ADAMTS3: variants seen among roughly 807,000 people sequenced by gnomAD.
ADAMTS3 encodes ADAM metallopeptidase with thrombospondin type 1 motif 3.
A neutral mutation model predicts 129.0 loss-of-function variants in ADAMTS3; 73 were observed. The observed-to-expected ratio is 0.57, with a 90% CI of 0.47 to 0.69. ADAMTS3 has a LOEUF of 0.69. Among genes scored for constraint, ADAMTS3 ranks in the 30% least tolerant of loss-of-function variants. ADAMTS3 has a pLI of 0.00. For missense variants in ADAMTS3, 1,457 were observed against 1,514.5 expected (o/e 0.96, Z 0.63); for synonymous variants, 477 against 510.8 (o/e 0.93, Z 0.89).
chr4:72,320,793 T>C lies in ADAMTS3; in HGVS notation c.1023A>G (p.Arg341=). 6.2e-7 allele frequency: 1 copy of C among 1,614,006 alleles called. No individual in the cohort carries two copies. The highest frequency in any genetic ancestry group is 8.5e-7 in the Non-Finnish European group (1 of 1,179,918). ...GGTGTTCAGAGTGGTTGAGATCAGA[T>C]CTTTGCTGTTGGGACGCCCAGCGAC... is the stretch of plus-strand genomic sequence containing the variant. ...NVCRWASQQQ[R]SDLNHSEHHD... Residue 341 remains arginine (R), a synonymous_variant, in exon 7 of 22, where the codon AGA becomes AGG. Transcript: ENST00000286657.
intron 3 of ADAMTS3, among the ~76,000 whole-genome samples, chr4:72,540,685 T>C (rs1578778501): frequency 6.6e-6 from 1 of 152,152 alleles, no homozygotes; most frequent in African/African-American, 2.4e-5. Flanking sequence ...ATGCCCTGCA[T>C]CCCAGCTGCT....
intron 3 of ADAMTS3, among the ~76,000 whole-genome samples, chr4:72,517,185 C>A (rs1720512066): frequency 6.6e-6 from 1 of 152,102 alleles, no homozygotes; most frequent in South Asian, 2.1e-4. Flanking sequence ...AGGGATGAAG[C>A]CCACTTGATC....
In ADAMTS3 at chr4:72,290,985, A is replaced by T; in HGVS notation, c.2801T>A (p.Leu934His). The T allele has an allele frequency of 6.2e-7, 1 of 1,614,034 alleles. No individual in the cohort carries two copies. Among genetic ancestry groups the T allele is most frequent in the South Asian group, 1.1e-5 (1 of 91,082 alleles). The change falls in exon 20 of 22, where the codon CTT (leucine) becomes CAT (histidine). Residue 934 changes from leucine (L) to histidine (H), a missense_variant. Transcript: ENST00000286657. ...SGYQLRTVRC[L>H]QPLLDGTNRS... ...GTTGGTGCCATCAAGGAGTGGCTGA[A>T]GGCAGCGTACAGTGCGAAGCTGATA...
At chr4:72,319,831 G>A in intron 8 of ADAMTS3, 27 bp downstream of exon 8, 2 of 1,541,050 alleles carry the variant, frequency 1.3e-6, no homozygotes, top group Non-Finnish European at 1.8e-6. Flanking sequence ...TCTTTTTTTG[G>A]CTTTATAGCT....
At chr4:72,427,112 AG>A (rs1722592982) in intron 3 of ADAMTS3, among the ~76,000 whole-genome samples, 1 of 152,126 alleles carries the variant, frequency 6.6e-6, no homozygotes, top group Admixed American at 6.6e-5. Flanking sequence ...ACTGGTGTCA[AG>A]GTGTTAGCAG....
At chr4:72,504,258 T>C (rs1356597892) in intron 3 of ADAMTS3, among the ~76,000 whole-genome samples, 2 of 152,174 alleles carry the variant, frequency 1.3e-5, no homozygotes, top group East Asian at 1.9e-4. Context: ...TATTGTAAAG[T>C]TGGTCTAGTG....
At chr4:72,340,944 G>C (rs77257879) in intron 4 of ADAMTS3, among the ~76,000 whole-genome samples, 5,664 of 152,210 alleles carry the variant, frequency 0.037, 357 homozygotes, top group African/African-American at 0.13. Context: ...AACCGTATAT[G>C]TAAAAACAAG....
At chr4:72,371,163 A>G (rs1720995692) in intron 4 of ADAMTS3, among the ~76,000 whole-genome samples, 1 of 152,114 alleles carries the variant, frequency 6.6e-6, no homozygotes, top group Non-Finnish European at 1.5e-5. Context: ...CTCTGCTGAC[A>G]TTTGTATTTC....
rs914372166 is a variant in ADAMTS3, at chr4:72,430,187, T to C, written c.505-15216A>G. On this transcript the variant is annotated intron_variant, in intron 3 of 21. Coordinates refer to ENST00000286657, the MANE Select transcript of ADAMTS3 (RefSeq NM_014243.3). Reference sequence around the variant, plus strand: ...ACCTTGGCACTCCCTCATCAAGAGATAGAGTTTAATTTCCTTGCCCTTGAA... The same window carrying C: ...ACCTTGGCACTCCCTCATCAAGAGACAGAGTTTAATTTCCTTGCCCTTGAA... 6.6e-5 allele frequency among the ~76,000 whole-genome samples: 10 copies of C among 152,016 alleles called. No individual in the cohort carries two copies. In the South Asian group the frequency reaches 1.2e-3, roughly 19 times the overall value.
intron 3 of ADAMTS3, among the ~76,000 whole-genome samples, chr4:72,485,858 A>G (rs1335372150): frequency 6.6e-6 from 1 of 152,008 alleles, no homozygotes; most frequent in East Asian, 1.9e-4. Flanking sequence ...GTGCCCTTAT[A>G]AAAGAGGCTT....
At chr4:72,394,260 C>T (rs1721670387) in intron 4 of ADAMTS3, among the ~76,000 whole-genome samples, 1 of 71,044 alleles carries the variant, frequency 1.4e-5, no homozygotes, top group East Asian at 5.8e-4. Context: ...ACTGAATTCA[C>T]AACAGAGAGG....
intron 3 of ADAMTS3, among the ~76,000 whole-genome samples, chr4:72,510,819 CAAAAAAA>C (rs869030257): frequency 1.6e-5 from 1 of 63,642 alleles, no homozygotes; most frequent in Non-Finnish European, 2.9e-5. Context: ...ATCCTTAAGC[CAAAAAAA>C]AAAAAAAAAA....
chr4:72,313,628 T>C lies in ADAMTS3; in HGVS notation c.1745+49A>G, dbSNP rs144291053. The C allele has an allele frequency of 1.6e-4, 250 of 1,585,558 alleles. No individual in the cohort carries two copies. The African/African-American group carries it at 3.2e-3, about 20-fold the overall frequency. On this transcript the variant is annotated intron_variant, in intron 12 of 21. Transcript: ENST00000286657. The stretch of plus-strand genomic sequence containing the variant: ...GAATACTAATAACATAATATTGAAG[T>C]ATTTTCTGGTCTCTCCAAAAATAAC...
At chr4:72,376,290 T>C (rs1298219088) in intron 4 of ADAMTS3, among the ~76,000 whole-genome samples, 1 of 152,208 alleles carries the variant, frequency 6.6e-6, no homozygotes, top group African/African-American at 2.4e-5. Flanking sequence ...GGCCCATTCC[T>C]CATAGACACC....
At position 72,437,260 on chromosome 4, in the gene ADAMTS3, G is replaced by A. The variant is rs543634838; in HGVS notation, c.505-22289C>T. 3.9e-5 allele frequency among the ~76,000 whole-genome samples: 6 copies of A among 151,936 alleles called. No homozygotes were observed. In the South Asian group the frequency reaches 1.2e-3, roughly 31 times the overall value. ...TTTTTAAAAAATACATATTTAGGAA[G>A]TACAAATGCAGTGTTGTTCCACAGA... is the stretch of plus-strand genomic sequence containing the variant. On this transcript the variant is annotated intron_variant, in intron 3 of 21. Coordinates refer to ENST00000286657, the MANE Select transcript of ADAMTS3 (RefSeq NM_014243.3).
chr4:72,512,975 ACATCT>A (rs754269079), intron 3 of ADAMTS3, among the ~76,000 whole-genome samples: 1 of 152,170 alleles, frequency 6.6e-6, no homozygotes, highest in Non-Finnish European at 1.5e-5. Context: ...TCTTAAAAAT[ACATCT>A]TCAAGACATC....
intron 5 of ADAMTS3, among the ~76,000 whole-genome samples, chr4:72,323,367 G>T (rs116618193): frequency 0.017 from 2,577 of 152,288 alleles, 74 homozygotes; most frequent in African/African-American, 0.058. Context: ...GTGTTAGAAG[G>T]AGTCTATGTG....
chr4:72,378,209 C>T (rs1367165188), intron 4 of ADAMTS3, among the ~76,000 whole-genome samples: 1 of 152,142 alleles, frequency 6.6e-6, no homozygotes, highest in East Asian at 1.9e-4. Context: ...TCTACCTTAA[C>T]TGCAACTATA....
Position 72,516,535 on chromosome 4 carries a change from T to A in ADAMTS3, c.504+31943A>T, listed in dbSNP as rs112650913. Among the ~76,000 whole-genome samples, 957 of 152,286 alleles carry A rather than the reference T, an allele frequency of 6.3e-3. 13 individuals carry two copies. Among genetic ancestry groups the A allele is most frequent in the African/African-American group, 0.022 (916 of 41,554 alleles). ...ATTGAGCAGTGGTTTGTCGTTCTCC[T>A]TGAAGAGGTCCTTCATGTCCCTTGT... On this transcript the variant is annotated intron_variant, in intron 3 of 21. Transcript: ENST00000286657.
Sources: allele counts gnomAD v4.1 joint callset (sites outside exome capture counted in the v4.1 genomes callset), GRCh38; gene constraint gnomAD v4.1.1; transcripts MANE v1.5; gene names NCBI Gene and HGNC (gene_info 2026-07-23, HGNC 2026-07-21).